The following TEX11 variants were observed in gnomAD, a reference collection of about 807,000 sequenced individuals.
TEX11 encodes testis-expressed protein 11.
Under a neutral mutation model 84.4 loss-of-function variants are expected in TEX11, and 7 were observed. The observed-to-expected ratio is 0.08, with a 90% confidence interval of 0.05 to 0.16. The LOEUF is 0.16. TEX11 is among the 10% of genes least tolerant of loss of function. The pLI is 1.00. For missense variants in TEX11, 551 were observed against 660.5 expected (o/e 0.83, Z 1.82); for synonymous variants, 264 against 222.8 (o/e 1.18, Z -1.64).
chrX:70,651,546 C>G lies in TEX11; in HGVS notation c.1387G>C (p.Glu463Gln). ...LNLQQLDKAK[E>Q]AVAEAERHDP... ...TGTCGTTCAGCTTCTGCCACTGCCT[C>G]TTTGGCCTGGAAAGAAAAACACTGG... is the stretch of plus-strand genomic sequence containing the variant. Residue 463 changes from glutamate (E) to glutamine (Q), a missense_variant, in exon 17 of 30, where the codon GAG (glutamate) becomes CAG (glutamine). Physicochemically the swap from Glu to Gln is conservative, Grantham distance 29. Transcript: ENST00000374333. The G allele has an allele frequency of 8.3e-7, 1 of 1,198,440 alleles. No individual in the cohort carries two copies. The highest frequency in any genetic ancestry group is 1.1e-6 in the Non-Finnish European group (1 of 886,658).
In TEX11 at chrX:70,658,807, T is replaced by C. The variant is rs190992300; in HGVS notation, c.1381-7255A>G. On this transcript the variant is annotated intron_variant, in intron 16 of 29. Coordinates refer to ENST00000374333, the MANE Select transcript of TEX11 (RefSeq NM_031276.3). ...TTCAAGGGATCCTGATTTCAAGACT[T>C]AGCTATGAAGATATAGTAATCAAAA... Among the ~76,000 whole-genome samples the C allele has an allele frequency of 5.4e-3, 601 of 111,370 alleles. 2 individuals carry two copies. Among genetic ancestry groups the C allele is most frequent in the African/African-American group, 0.018 (552 of 30,699 alleles).
chrX:70,697,709 T>C (rs1396061016), intron 13 of TEX11, among the ~76,000 whole-genome samples: 1 of 112,073 alleles, frequency 8.9e-6, no homozygotes, highest in Non-Finnish European at 1.9e-5. Context: ...TTCTAATACT[T>C]TTCCAGAAAT....
At chrX:70,865,153 T>C (rs1263566167) in intron 4 of TEX11, among the ~76,000 whole-genome samples, 1 of 110,952 alleles carries the variant, frequency 9.0e-6, no homozygotes, top group East Asian at 2.8e-4. Flanking sequence ...AGGAGAACCA[T>C]CTCACACACA....
At chrX:70,891,472 C>G (rs1471389227) in intron 2 of TEX11, among the ~76,000 whole-genome samples, 2 of 110,838 alleles carry the variant, frequency 1.8e-5, no homozygotes, top group Non-Finnish European at 3.8e-5. Flanking sequence ...CGCAAGGAAG[C>G]TAAAAACCTT....
intron 14 of TEX11, among the ~76,000 whole-genome samples, chrX:70,682,391 A>G (rs2090154405): frequency 9.0e-6 from 1 of 111,684 alleles, no homozygotes; most frequent in Admixed American, 9.5e-5. Flanking sequence ...GAGATATTAA[A>G]TTAGGCTTGT....
intron 13 of TEX11, 49 bp downstream of exon 13, chrX:70,722,569 C>T: frequency 2.8e-6 from 3 of 1,066,582 alleles, no homozygotes; most frequent in Non-Finnish European, 3.9e-6. Flanking sequence ...GCCACTGGTG[C>T]CTAGCCAAAA....
intron 28 of TEX11, among the ~76,000 whole-genome samples, chrX:70,531,198 G>T (rs1478239120): frequency 9.0e-6 from 1 of 111,274 alleles, no homozygotes; most frequent in Non-Finnish European, 1.9e-5. Flanking sequence ...TGTATCTTCA[G>T]AGTCCAGCAC....
rs369988745 is a variant in TEX11 at position 70,807,963 on chromosome X, G to T, written c.607-1173C>A. ...CACTAAAAATACAAAAATTAGCCAG[G>T]CGTGGTGGCAGGTGCCTGTAATCCG... On this transcript the variant is annotated intron_variant, in intron 8 of 29. Coordinates refer to ENST00000374333, the MANE Select transcript of TEX11 (RefSeq NM_031276.3). Among the ~76,000 whole-genome samples, 10 of 107,434 alleles carry T rather than the reference G, an allele frequency of 9.3e-5. No homozygotes were observed. In the South Asian group the frequency reaches 4.3e-3, roughly 46 times the overall value. 93.3% of individuals were successfully genotyped at this position (107,434 alleles called of 115,157 possible). A position where few individuals can be genotyped will look rare whatever the true frequency, so the allele number is the denominator to read the frequency against.
chrX:70,781,896 G>A (rs867583972), intron 9 of TEX11, among the ~76,000 whole-genome samples: 4 of 111,737 alleles, frequency 3.6e-5, no homozygotes, highest in Middle Eastern at 9.2e-3. Context: ...ACACTCTTCA[G>A]GATATTATCC....
chrX:70,772,947 C>CA (rs1432464439), intron 9 of TEX11, among the ~76,000 whole-genome samples: 1 of 107,408 alleles, frequency 9.3e-6, no homozygotes, highest in African/African-American at 3.4e-5. Context: ...ATCAGAGGGA[C>CA]AAAAAAAGAA....
At chrX:70,810,808 C>A (rs1015075718) in intron 8 of TEX11, among the ~76,000 whole-genome samples, 2 of 110,055 alleles carry the variant, frequency 1.8e-5, no homozygotes, top group Non-Finnish European at 1.9e-5. Flanking sequence ...AAAAGTAAAC[C>A]CCATACTTTA....
At chrX:70,769,393 A>G (rs2090959061) in intron 9 of TEX11, among the ~76,000 whole-genome samples, 1 of 111,600 alleles carries the variant, frequency 9.0e-6, no homozygotes, top group Admixed American at 9.5e-5. Context: ...GGACATCACT[A>G]CTGACCTTTA....
At chrX:70,724,980 C>A (rs1339044386) in intron 12 of TEX11, among the ~76,000 whole-genome samples, 1 of 110,157 alleles carries the variant, frequency 9.1e-6, no homozygotes, top group Non-Finnish European at 1.9e-5. Flanking sequence ...TAGACAACTT[C>A]AGAAGGGTTG....
At chrX:70,519,485 G>C in the TEX11 span, among the ~76,000 whole-genome samples, 2 of 112,274 alleles carry the variant, frequency 1.8e-5, no homozygotes, top group Admixed American at 9.5e-5. Flanking sequence ...GAGATCAGCT[G>C]TTAGTCCAAT....
At chrX:70,869,971 G>A (rs1176552109) in intron 4 of TEX11, among the ~76,000 whole-genome samples, 3 of 111,449 alleles carry the variant, frequency 2.7e-5, no homozygotes, top group Non-Finnish European at 5.7e-5. Context: ...TGTTTTCTTT[G>A]TTGCTGTTGC....
chrX:70,705,628 C>A (rs1293909572), intron 13 of TEX11, among the ~76,000 whole-genome samples: 1 of 111,724 alleles, frequency 9.0e-6, no homozygotes, highest in Non-Finnish European at 1.9e-5. Context: ...AAACAAACAA[C>A]CCCATCAAAA....
chrX:70,519,613 G>T, the TEX11 span, among the ~76,000 whole-genome samples: 1 of 111,439 alleles, frequency 9.0e-6, no homozygotes, highest in African/African-American at 3.3e-5. Flanking sequence ...TTCTAGAGGA[G>T]TATCTTAGTG....
chrX:70,811,031 A>AT (rs934675246), intron 8 of TEX11, among the ~76,000 whole-genome samples: 1 of 111,471 alleles, frequency 9.0e-6, no homozygotes, highest in South Asian at 3.8e-4. Flanking sequence ...ATTTTTTAAA[A>AT]TTTTTTTATT....
chrX:70,824,832 C>G (rs758106093), intron 8 of TEX11, among the ~76,000 whole-genome samples: 4 of 111,959 alleles, frequency 3.6e-5, no homozygotes, highest in South Asian at 7.4e-4. Flanking sequence ...CAGGACTGAT[C>G]AATGAGTGTT....
Sources: allele counts gnomAD v4.1 joint callset (sites outside exome capture counted in the v4.1 genomes callset), GRCh38; gene constraint gnomAD v4.1.1; transcripts MANE v1.5; gene names NCBI Gene and HGNC (gene_info 2026-07-23, HGNC 2026-07-21).